LRRIQ1: variants seen among roughly 807,000 people sequenced by gnomAD.
The protein encoded by LRRIQ1 is leucine rich repeats and IQ motif containing 1.
Under a neutral mutation model 211.9 loss-of-function variants are expected in LRRIQ1, and 210 were observed. The observed-to-expected ratio is 0.99, with a 90% confidence interval of 0.89 to 1.11. The LOEUF is 1.11. Among genes scored for constraint, LRRIQ1 ranks in the 50% most tolerant of loss-of-function variants. The probability of loss-of-function intolerance (pLI) is 0.00; values close to 1 mark genes in which losing one functional copy is unlikely to be tolerated. For missense variants in LRRIQ1, 2,136 were observed against 1,939.5 expected (o/e 1.10, Z -1.90); for synonymous variants, 699 against 650.1 (o/e 1.08, Z -1.14).
chr12:85,262,218 ATAAT>A (rs1185179404), intron 1 of LRRIQ1, among the ~76,000 whole-genome samples: 1 of 152,114 alleles, frequency 6.6e-6, no homozygotes, highest in African/African-American at 2.4e-5. Context: ...TATATAAATA[ATAAT>A]TTCTTCCATT....
At chr12:85,092,444 T>C (rs1385305698) in intron 11 of LRRIQ1, among the ~76,000 whole-genome samples, 2 of 152,126 alleles carry the variant, frequency 1.3e-5, no homozygotes, top group African/African-American at 2.4e-5. Context: ...TCAGCCAAAA[T>C]GAGTAAAAGC....
intron 17 of LRRIQ1, among the ~76,000 whole-genome samples, chr12:85,127,216 C>A (rs571763327): frequency 1.3e-5 from 2 of 152,254 alleles, no homozygotes; most frequent in East Asian, 3.9e-4. Flanking sequence ...TGCTGGGCAA[C>A]TTAAGGAGAT....
At chr12:85,252,056 A>G (rs985352471) in intron 1 of LRRIQ1, among the ~76,000 whole-genome samples, 2 of 151,924 alleles carry the variant, frequency 1.3e-5, no homozygotes, top group African/African-American at 2.4e-5. Context: ...GAAAATCTTA[A>G]TATTTTCTTT....
In LRRIQ1 at chr12:85,153,706, A is replaced by C; in HGVS notation, c.4585A>C (p.Ser1529Arg). 2 of 1,586,796 alleles carry C rather than the reference A, an allele frequency of 1.3e-6. No individual in the cohort carries two copies. Among genetic ancestry groups the C allele is most frequent in the Non-Finnish European group, 1.7e-6 (2 of 1,168,742 alleles). ...TSSWTPESKT[S>R]RKSLLKSEKE... is the part of the protein sequence containing the mutation. ...TTCCTGGACACCTGAATCAAAGACCAGTAGAAAGAGTTTGCTAAAATCTGA... is the reference window on the plus strand; with the variant it reads ...TTCCTGGACACCTGAATCAAAGACCCGTAGAAAGAGTTTGCTAAAATCTGA... Residue 1529 changes from serine (S) to arginine (R), a missense_variant, in exon 22 of 27, where the codon AGT becomes CGT. Transcript: ENST00000393217.
intron 3 of LRRIQ1, among the ~76,000 whole-genome samples, chr12:85,040,807 T>C (rs1878791809): frequency 6.6e-6 from 1 of 151,582 alleles, no homozygotes; most frequent in African/African-American, 2.4e-5. Flanking sequence ...AGGTCTTCAG[T>C]AAATACCATC....
At chr12:85,206,196 G>A (rs1179571336) in intron 24 of LRRIQ1, among the ~76,000 whole-genome samples, 2 of 152,190 alleles carry the variant, frequency 1.3e-5, no homozygotes, top group African/African-American at 4.8e-5. Flanking sequence ...GTTAGTAATG[G>A]CAGTGCTGAG....
Position 85,121,699 on chromosome 12 carries a change from A to C in LRRIQ1, c.3380A>C (p.Asp1127Ala), listed in dbSNP as rs1391811473. 6.4e-7 allele frequency: 1 copy of C among 1,568,248 alleles called. No homozygotes were observed. The highest frequency in any genetic ancestry group is 8.6e-7 in the Non-Finnish European group (1 of 1,159,986). Reference protein sequence around the residue: ...NPLLQETNWRDSLLKVLPALR... With the variant: ...NPLLQETNWRASLLKVLPALR... ...AACTTTTTTGTTGTTTTCAATAGGG[A>C]TTCTCTACTTAAAGTGTTGCCTGCT... The change falls in exon 16 of 27, where the codon GAT (aspartate) becomes GCT (alanine). Residue 1127 changes from aspartate to alanine, a missense_variant and splice_region_variant. Transcript: ENST00000393217.
intron 19 of LRRIQ1, among the ~76,000 whole-genome samples, chr12:85,144,518 A>G (rs974156304): frequency 2.0e-5 from 3 of 151,624 alleles, no homozygotes; most frequent in Admixed American, 2.0e-4. Flanking sequence ...AAGTGAGGGA[A>G]TAAGTTTCAT....
At chr12:85,080,727 AT>A (rs758804586) in intron 11 of LRRIQ1, among the ~76,000 whole-genome samples, 245 of 150,612 alleles carry the variant, frequency 1.6e-3, no homozygotes, top group Non-Finnish European at 2.9e-3. Context: ...GTATTCAGGT[AT>A]TTAATTTTAA....
At chr12:85,187,521 G>T (rs895310049) in intron 24 of LRRIQ1, among the ~76,000 whole-genome samples, 2 of 151,848 alleles carry the variant, frequency 1.3e-5, no homozygotes, top group Non-Finnish European at 2.9e-5. Context: ...TTAGAAAGTG[G>T]GTCAGCCGGG....
intron 19 of LRRIQ1, among the ~76,000 whole-genome samples, chr12:85,151,355 G>A (rs1227473273): frequency 6.6e-6 from 1 of 151,370 alleles, no homozygotes; most frequent in Non-Finnish European, 1.5e-5. Flanking sequence ...CTTTCAAAAG[G>A]CAGTCAAGAC....
At chr12:85,073,208 A>G in intron 11 of LRRIQ1, 110 bp downstream of exon 11, 1 of 670,654 alleles carries the variant, frequency 1.5e-6, no homozygotes, top group Non-Finnish European at 2.4e-6. Context: ...TTTTAAATAT[A>G]GGTAAAATAT....
chr12:85,098,968 A>C lies in LRRIQ1; in HGVS notation c.3183A>C (p.Leu1061=). Reference sequence around the variant, plus strand: ...TTTCTTCATACTGGCTGCCTTTACTACAAAATATTACTATCTCTCAAAACA... The same window carrying C: ...TTTCTTCATACTGGCTGCCTTTACTCCAAAATATTACTATCTCTCAAAACA... ...EAFSSYWLPL[L]QNITISQNSL... The change falls in exon 13 of 27, where the codon CTA becomes CTC. Residue 1061 remains leucine, a synonymous_variant. Coordinates refer to ENST00000393217, the MANE Select transcript of LRRIQ1 (RefSeq NM_001079910.2). 6.4e-7 allele frequency: 1 copy of C among 1,567,502 alleles called. No homozygotes were observed. Among genetic ancestry groups the C allele is most frequent in the Non-Finnish European group, 8.7e-7 (1 of 1,152,138 alleles).
chr12:85,044,854 G>T, intron 4 of LRRIQ1, 45 bp downstream of exon 4: 1 of 877,046 alleles, frequency 1.1e-6, no homozygotes, highest in South Asian at 1.9e-5. Flanking sequence ...ATTACAATTA[G>T]AAATTTTCTC....
intron 24 of LRRIQ1, among the ~76,000 whole-genome samples, chr12:85,174,113 C>G (rs1490685216): frequency 1.3e-5 from 2 of 151,674 alleles, no homozygotes; most frequent in Admixed American, 1.3e-4. Flanking sequence ...AAAAAAGTAG[C>G]AAGCATAATA....
At chr12:85,081,437 T>C (rs1161490256) in intron 11 of LRRIQ1, among the ~76,000 whole-genome samples, 10 of 140,986 alleles carry the variant, frequency 7.1e-5, no homozygotes, top group African/African-American at 2.9e-4. Flanking sequence ...TGTTGTCTTC[T>C]TTTGGATTGG....
intron 24 of LRRIQ1, among the ~76,000 whole-genome samples, chr12:85,220,690 A>G (rs1339571171): frequency 6.6e-6 from 1 of 151,118 alleles, no homozygotes; most frequent in Admixed American, 6.6e-5. Context: ...CATGTGCACA[A>G]TGTGCAGGTT....
At chr12:85,102,951 A>ATATATATATATATATATATATATAT (rs1565834052) in intron 13 of LRRIQ1, among the ~76,000 whole-genome samples, 1 of 116,820 alleles carries the variant, frequency 8.6e-6, no homozygotes, top group Non-Finnish European at 1.7e-5. Flanking sequence ...TGGCAAAAAA[A>ATATATATATATATATATATATATAT]AAAAAAAAAT....
intron 25 of LRRIQ1, among the ~76,000 whole-genome samples, chr12:85,231,544 T>G (rs182067049): frequency 9.2e-5 from 14 of 152,258 alleles, no homozygotes; most frequent in African/African-American, 3.4e-4. Flanking sequence ...AGAGGTTTAG[T>G]TAGCTCATGG....
Sources: gnomAD v4.1 joint callset for allele counts (sites outside exome capture counted in the v4.1 genomes callset) on GRCh38, gnomAD v4.1.1 for gene constraint, MANE v1.5 for transcripts, NCBI Gene and HGNC (gene_info 2026-07-23, HGNC 2026-07-21) for gene names.